Variants in TMEM204 observed in about 807,000 individuals in gnomAD.
TMEM204 encodes transmembrane protein 204.
In TMEM204, 15 loss-of-function variants were observed where a neutral mutation model predicts 19.4. That is an observed-to-expected ratio of 0.77 (90% CI 0.52 to 1.19). The LOEUF (loss-of-function observed/expected upper bound fraction) is 1.19, where lower values mean the gene tolerates loss of function less well. Ranked by LOEUF, TMEM204 falls within the 50% of genes most tolerant of loss-of-function variation. The probability of loss-of-function intolerance (pLI) is 0.00; values close to 1 mark genes in which losing one functional copy is unlikely to be tolerated. For synonymous variants in TMEM204, 161 were observed against 146.0 expected (o/e 1.10, Z -0.74); for missense variants, 287 against 321.2 (o/e 0.89, Z 0.81).
Position 1,553,583 on chromosome 16 carries a change from C to G in TMEM204, c.437-1199C>G. 2.9e-6 allele frequency: 3 copies of G among 1,023,516 alleles called. No homozygotes were observed. Among genetic ancestry groups the G allele is most frequent in the Non-Finnish European group, 3.5e-6 (3 of 851,352 alleles). The allele number at this position is 1,023,516 out of a possible 1,614,324, so 63.4% of individuals were successfully genotyped here. A position where few individuals can be genotyped will look rare whatever the true frequency, so the allele number is the denominator to read the frequency against. On this transcript the variant is annotated intron_variant, in intron 2 of 2. Transcript: ENST00000566264. This position sits in a 1 kb window ranked among gnomAD's most constrained non-coding sequence, Gnocchi z 4.4. ...GTTTAATCTGGACCAGTGTAAGTTA[C>G]AGAGAGTCTCTGGCACTTTGGGTAC...
chr16:1,538,606 G>GTGA lies in TMEM204; in HGVS notation c.281-3312_281-3310dup, dbSNP rs535643288. Among the ~76,000 whole-genome samples, 9 of 152,344 alleles carry GTGA rather than the reference G, an allele frequency of 5.9e-5. No homozygotes were observed. The South Asian group carries it at 1.9e-3, about 32-fold the overall frequency. ...TCCTCTCTCGAACATGACCTTCTGC[G>GTGA]TGATGTTTTAATGCCTCCCTCATTT... is the stretch of plus-strand genomic sequence containing the variant. On this transcript the variant is annotated intron_variant, in intron 1 of 2. Coordinates refer to ENST00000566264, the MANE Select transcript of TMEM204 (RefSeq NM_024600.6).
At chr16:1,548,953 G>A (rs537956261) in intron 2 of TMEM204, among the ~76,000 whole-genome samples, 8 of 152,360 alleles carry the variant, frequency 5.3e-5, no homozygotes, top group East Asian at 1.9e-4. Flanking sequence ...ATCTGTTCAC[G>A]ACGTGAACCT....
Position 1,534,163 on chromosome 16 carries a change from G to C in TMEM204, c.-113G>C, listed in dbSNP as rs2030806606. ...TGGGCCTCCGCCCGCGCCGCCCCGA[G>C]GATGAGTGGTGATGTCCTCTAGCCA... is the stretch of plus-strand genomic sequence containing the variant. On this transcript the variant is annotated 5_prime_UTR_variant, in exon 1 of 3. Transcript: ENST00000566264. The C allele has an allele frequency of 7.2e-7, 1 of 1,398,564 alleles. No homozygotes were observed. Among genetic ancestry groups the C allele is most frequent in the South Asian group, 1.3e-5 (1 of 75,058 alleles). 86.6% of individuals were successfully genotyped at this position (1,398,564 alleles called of 1,614,324 possible). A position where few individuals can be genotyped will look rare whatever the true frequency, so the allele number is the denominator to read the frequency against.
At position 1,555,429 on chromosome 16, in the gene TMEM204, GA is replaced by G. The variant is rs578257759; in HGVS notation, c.*407del. 1.1e-4 allele frequency: 20 copies of G among 180,586 alleles called. No homozygotes were observed. In the South Asian group the frequency reaches 2.6e-3, roughly 24 times the overall value. 11.2% of individuals were successfully genotyped at this position (180,586 alleles called of 1,614,324 possible). ...ACACTTTGGTAAAGCAGAAAACCAG[GA>G]AAATTTTCTTAAAATATCCACAATA... is the stretch of plus-strand genomic sequence containing the variant. On this transcript the variant is annotated 3_prime_UTR_variant, in exon 3 of 3. Transcript: ENST00000566264.
chr16:1,541,564 C>T (rs2031637832), intron 1 of TMEM204: 1 of 923,298 alleles, frequency 1.1e-6, no homozygotes, highest in Non-Finnish European at 1.3e-6. Context: ...GTGGGCTTCC[C>T]CTTCCCACCT....
At position 1,542,055 on chromosome 16, in the gene TMEM204, G is replaced by A. The variant is rs1232702059; in HGVS notation, c.415G>A (p.Ala139Thr). The change falls in exon 2 of 3, where the codon GCC becomes ACC. Residue 139 changes from alanine to threonine, a missense_variant. Physicochemically the swap from Ala to Thr is moderately conservative, Grantham distance 58. Coordinates refer to ENST00000566264, the MANE Select transcript of TMEM204 (RefSeq NM_024600.6). Reference sequence around the variant, plus strand: ...CGCCCCGTGCTGGGAGGAGGCCATGGCCGCTGCATTCCAACTGGCGAGTAA... The same window carrying A: ...CGCCCCGTGCTGGGAGGAGGCCATGACCGCTGCATTCCAACTGGCGAGTAA... Reference protein sequence around the residue: ...PDAPCWEEAMAAAFQLASFVL... With the variant: ...PDAPCWEEAMTAAFQLASFVL... 6.2e-7 allele frequency: 1 copy of A among 1,609,292 alleles called. No individual in the cohort carries two copies. Among genetic ancestry groups the A allele is most frequent in the East Asian group, 2.2e-5 (1 of 44,746 alleles).
intron 2 of TMEM204, chr16:1,554,273 T>C (rs925483458): frequency 6.9e-6 from 3 of 436,828 alleles, no homozygotes; most frequent in Admixed American, 7.4e-5. Flanking sequence ...CTGGGCGCGA[T>C]GAGCACCAAA....
intron 2 of TMEM204, among the ~76,000 whole-genome samples, chr16:1,550,802 G>C (rs1489877868): frequency 6.6e-6 from 1 of 152,222 alleles, no homozygotes; most frequent in African/African-American, 2.4e-5. Flanking sequence ...ATCTCTCTAA[G>C]AGGAATGCCA....
rs1367821895 is a variant in TMEM204, at chr16:1,534,530, C to T, written c.255C>T (p.Phe85=). The T allele has an allele frequency of 6.2e-7, 1 of 1,605,630 alleles. No homozygotes were observed. The highest frequency in any genetic ancestry group is 1.7e-5 in the Admixed American group (1 of 60,018). Reference sequence around the variant, plus strand: ...GCTGGGGCTCCGAGGCAGCCGGCTTCCAGGAGTCCCGAGGCACCGTCAAAC... The same window carrying T: ...GCTGGGGCTCCGAGGCAGCCGGCTTTCAGGAGTCCCGAGGCACCGTCAAAC... ...ALGWGSEAAG[F]QESRGTVKLQ... is the part of the protein sequence containing the mutation. The change falls in exon 1 of 3, where the codon TTC becomes TTT. Residue 85 remains phenylalanine (F), a synonymous_variant. Coordinates refer to ENST00000566264, the MANE Select transcript of TMEM204 (RefSeq NM_024600.6).
In TMEM204 at chr16:1,553,630, T is replaced by C; in HGVS notation, c.437-1152T>C. ...GTACAAGAAACAGACTCACTCAGGT[T>C]ACTGTAACAGAGAGGGAGGGGTGCT... On this transcript the variant is annotated intron_variant, in intron 2 of 2. Transcript: ENST00000566264. The surrounding 1 kb of genome is among the most constrained non-coding windows in gnomAD (Gnocchi z 4.4). The C allele has an allele frequency of 9.5e-7, 1 of 1,048,440 alleles. No homozygotes were observed. The highest frequency in any genetic ancestry group is 1.2e-6 in the Non-Finnish European group (1 of 865,640). The allele number at this position is 1,048,440 out of a possible 1,614,324, so 64.9% of individuals were successfully genotyped here.
chr16:1,542,227 C>T, intron 2 of TMEM204, 151 bp downstream of exon 2: 2 of 823,438 alleles, frequency 2.4e-6, no homozygotes, highest in South Asian at 4.0e-5. Flanking sequence ...CCCCATGGGG[C>T]ATCCTCCCTC....
rs1039231129 is a variant in TMEM204 at position 1,553,196 on chromosome 16, GTGTCTC to G, written c.437-1572_437-1567del. On this transcript the variant is annotated intron_variant, in intron 2 of 2. Coordinates refer to ENST00000566264, the MANE Select transcript of TMEM204 (RefSeq NM_024600.6). This position sits in a 1 kb window ranked among gnomAD's most constrained non-coding sequence, Gnocchi z 4.4. The stretch of plus-strand genomic sequence containing the variant: ...TCTTGCTCTCTGTCTCTCCTTCCCT[GTGTCTC>G]TGTCTCTGTCTCTCTCTGTCTCCAT... 1.2e-5 allele frequency: 12 copies of G among 983,450 alleles called. No individual in the cohort carries two copies. The highest frequency in any genetic ancestry group is 1.1e-4 in the African/African-American group (6 of 57,124). The allele number at this position is 983,450 out of a possible 1,614,324, so 60.9% of individuals were successfully genotyped here.
chr16:1,543,699 C>A (rs2141308613), intron 2 of TMEM204, among the ~76,000 whole-genome samples: 1 of 152,354 alleles, frequency 6.6e-6, no homozygotes, highest in East Asian at 1.9e-4. Flanking sequence ...CGCCTCCTCC[C>A]CTCCTGCATG....
chr16:1,536,267 G>A (rs923580905), intron 1 of TMEM204, among the ~76,000 whole-genome samples: 11 of 152,184 alleles, frequency 7.2e-5, no homozygotes, highest in Non-Finnish European at 1.0e-4. Flanking sequence ...ACAGGGCCGC[G>A]TGTAGCCTCT....
chr16:1,538,035 G>A (rs937908643), intron 1 of TMEM204, among the ~76,000 whole-genome samples: 3 of 152,214 alleles, frequency 2.0e-5, no homozygotes, highest in Admixed American at 6.5e-5. Flanking sequence ...GCAGAGCCAC[G>A]CAGAGCCACG....
intron 2 of TMEM204, among the ~76,000 whole-genome samples, chr16:1,543,115 C>G (rs2141301893): frequency 6.6e-6 from 1 of 152,334 alleles, no homozygotes; most frequent in Admixed American, 6.5e-5. Context: ...CAGCCCGGTG[C>G]CCGCAGAGAC....
intron 2 of TMEM204, among the ~76,000 whole-genome samples, chr16:1,547,728 G>T (rs1445213510): frequency 6.6e-6 from 1 of 152,166 alleles, no homozygotes; most frequent in Non-Finnish European, 1.5e-5. Flanking sequence ...TAGAGATGGG[G>T]TTTCACCATG....
intron 1 of TMEM204, chr16:1,541,176 A>G: frequency 1.0e-6 from 1 of 985,438 alleles, no homozygotes. Flanking sequence ...GGTGGGGGAC[A>G]GAGAAGGCTG....
intron 2 of TMEM204, among the ~76,000 whole-genome samples, chr16:1,544,217 T>A (rs150672825): frequency 0.08 from 11,272 of 140,240 alleles, 488 homozygotes; most frequent in African/African-American, 0.12. Flanking sequence ...GAAGTCTCAC[T>A]CTGTCACCCA....
Sources: allele counts gnomAD v4.1 joint callset (sites outside exome capture counted in the v4.1 genomes callset), GRCh38; gene constraint gnomAD v4.1.1; non-coding constraint Gnocchi (gnomAD v3.1); transcripts MANE v1.5; gene names NCBI Gene and HGNC (gene_info 2026-07-23, HGNC 2026-07-21).